Variants in CLEC16A observed in about 807,000 individuals in gnomAD.
The protein encoded by CLEC16A is protein CLEC16A.
In CLEC16A, 51 loss-of-function variants were observed where a neutral mutation model predicts 109.5. The ratio of observed to expected loss-of-function variants is 0.47; its 90% CI spans 0.37 to 0.59. The LOEUF (loss-of-function observed/expected upper bound fraction) is 0.59, where lower values mean the gene tolerates loss of function less well. Among genes scored for constraint, CLEC16A ranks in the 20% least tolerant of loss-of-function variants. The pLI, the probability that CLEC16A is intolerant of heterozygous loss-of-function variation, is 0.00. For missense variants in CLEC16A, 1,339 were observed against 1,394.0 expected (o/e 0.96, Z 0.63); for synonymous variants, 673 against 564.2 (o/e 1.19, Z -2.73).
At chr16:10,980,386 C>CT (rs1023073632) in intron 9 of CLEC16A, among the ~76,000 whole-genome samples, 1 of 151,980 alleles carries the variant, frequency 6.6e-6, no homozygotes, top group African/African-American at 2.4e-5. Context: ...CTCCTGGCAG[C>CT]TTTTTTCTGC....
intron 14 of CLEC16A, 135 bp downstream of exon 14, chr16:11,040,011 C>G (rs1256084996): frequency 2.1e-5 from 23 of 1,115,532 alleles, no homozygotes; most frequent in Non-Finnish European, 2.8e-5. Flanking sequence ...CCCTCTGCCT[C>G]TCAACCCCTG....
intron 19 of CLEC16A, among the ~76,000 whole-genome samples, chr16:11,090,977 A>AT (rs2050272753): frequency 6.6e-6 from 1 of 151,764 alleles, no homozygotes; most frequent in Non-Finnish European, 1.5e-5. Context: ...GCCTATTTTA[A>AT]TTTTTTGAGA....
chr16:11,133,016 A>C (rs1388247933), intron 22 of CLEC16A, among the ~76,000 whole-genome samples: 1 of 152,054 alleles, frequency 6.6e-6, no homozygotes, highest in South Asian at 2.1e-4. Context: ...GTTGGACTTC[A>C]TCCCTTAAGG....
chr16:10,966,155 A>G (rs2042492512), intron 3 of CLEC16A, among the ~76,000 whole-genome samples: 1 of 152,236 alleles, frequency 6.6e-6, no homozygotes, highest in Non-Finnish European at 1.5e-5. Flanking sequence ...CAGGTGGATA[A>G]ATAAACTGTG....
At chr16:11,021,612 C>T (rs1484060647) in intron 12 of CLEC16A, among the ~76,000 whole-genome samples, 1 of 152,136 alleles carries the variant, frequency 6.6e-6, no homozygotes, top group Non-Finnish European at 1.5e-5. Context: ...GGCCTAGTCA[C>T]ATAGTGAGAC....
rs915695793 is a variant in CLEC16A at position 11,077,964 on chromosome 16, C to T, written c.2116+16942C>T. On this transcript the variant is annotated intron_variant, in intron 19 of 23. Coordinates refer to ENST00000409790, the MANE Select transcript of CLEC16A (RefSeq NM_015226.3). Reference sequence around the variant, plus strand: ...GAAACTCCATCTCTACAAAAAAAAACGTGTGTGTGTGTGTGTGTGTGTGTG... The same window carrying T: ...GAAACTCCATCTCTACAAAAAAAAATGTGTGTGTGTGTGTGTGTGTGTGTG... Among the ~76,000 whole-genome samples the T allele has an allele frequency of 8.3e-4, 113 of 135,622 alleles. 1 individual carries two copies. Among genetic ancestry groups the T allele is most frequent in the African/African-American group, 3.0e-3 (108 of 36,468 alleles). The allele number at this position is 135,622 out of a possible 152,430, so 89.0% of individuals were successfully genotyped here. A position where few individuals can be genotyped will look rare whatever the true frequency, so the allele number is the denominator to read the frequency against.
chr16:11,064,987 C>T (rs1001123596), intron 19 of CLEC16A, among the ~76,000 whole-genome samples: 1 of 152,198 alleles, frequency 6.6e-6, no homozygotes, highest in Non-Finnish European at 1.5e-5. Context: ...GCTTAAGCAA[C>T]ACTCTGAGAA....
At chr16:11,060,158 AGGAATCCCTGTGCTGGT>A (rs2152902546) in intron 18 of CLEC16A, among the ~76,000 whole-genome samples, 1 of 152,344 alleles carries the variant, frequency 6.6e-6, no homozygotes, top group African/African-American at 2.4e-5. Context: ...TCTATGGGCC[AGGAATCCCTGTGCTGGT>A]GGATCCACCT....
Position 11,113,269 on chromosome 16 carries a change from A to G in CLEC16A, c.2117-7346A>G, listed in dbSNP as rs556578791. Among the ~76,000 whole-genome samples, 4 of 152,324 alleles carry G rather than the reference A, an allele frequency of 2.6e-5. No homozygotes were observed. In the South Asian group the frequency reaches 8.3e-4, roughly 32 times the overall value. ...TCCCCAACCCTGGCTGGGCCTCATA[A>G]AGACCTGAGTCCCTTTGTGTAAAGC... On this transcript the variant is annotated intron_variant, in intron 19 of 23. Coordinates refer to ENST00000409790, the MANE Select transcript of CLEC16A (RefSeq NM_015226.3).
At chr16:10,957,411 T>C (rs535287095) in intron 1 of CLEC16A, among the ~76,000 whole-genome samples, 1 of 152,348 alleles carries the variant, frequency 6.6e-6, no homozygotes, top group East Asian at 1.9e-4. Context: ...GGGAAGCATA[T>C]GAAACAGGTG....
At chr16:11,092,812 G>A (rs985424682) in intron 19 of CLEC16A, among the ~76,000 whole-genome samples, 1 of 152,164 alleles carries the variant, frequency 6.6e-6, no homozygotes, top group African/African-American at 2.4e-5. Flanking sequence ...GTGGGCCTCG[G>A]TTTCCTCTTC....
intron 22 of CLEC16A, among the ~76,000 whole-genome samples, chr16:11,151,426 C>T (rs555146891): frequency 2.7e-4 from 41 of 152,360 alleles, no homozygotes; most frequent in Non-Finnish European, 4.9e-4. Flanking sequence ...CTGCCCAGTG[C>T]TCCAGGCTGA....
At chr16:11,029,169 A>C (rs551243781) in intron 13 of CLEC16A, among the ~76,000 whole-genome samples, 21 of 152,274 alleles carry the variant, frequency 1.4e-4, no homozygotes, top group African/African-American at 5.1e-4. Flanking sequence ...TGGTCCAGAC[A>C]GCCTTCAGTT....
intron 18 of CLEC16A, among the ~76,000 whole-genome samples, chr16:11,059,698 T>G (rs1423277406): frequency 6.6e-6 from 1 of 152,196 alleles, no homozygotes; most frequent in East Asian, 1.9e-4. Flanking sequence ...GATTCGCCTT[T>G]GCAGCTCCCT....
intron 23 of CLEC16A, among the ~76,000 whole-genome samples, chr16:11,171,887 C>T (rs1279569269): frequency 6.6e-6 from 1 of 152,160 alleles, no homozygotes; most frequent in African/African-American, 2.4e-5. Context: ...CACACTCACA[C>T]ATACAAATGT....
At chr16:11,005,961 A>G (rs1398601030) in intron 11 of CLEC16A, among the ~76,000 whole-genome samples, 3 of 142,532 alleles carry the variant, frequency 2.1e-5, no homozygotes, top group Admixed American at 7.0e-5. Flanking sequence ...AATTCACATG[A>G]TGACTTTTTT....
chr16:10,977,177 G>A lies in CLEC16A; in HGVS notation c.729-48G>A, dbSNP rs755395822. Reference sequence around the variant, plus strand: ...TCAGGCCATTGATGTTAGGCTCAAAGGCTCCTAGTGTTGGCCTCCAGGCTG... The same window carrying A: ...TCAGGCCATTGATGTTAGGCTCAAAAGCTCCTAGTGTTGGCCTCCAGGCTG... On this transcript the variant is annotated intron_variant, in intron 7 of 23. Transcript: ENST00000409790. 1.1e-5 allele frequency: 18 copies of A among 1,574,746 alleles called. No individual in the cohort carries two copies. In the Admixed American group the frequency reaches 2.6e-4, roughly 22 times the overall value.
chr16:11,031,046 T>A (rs2046713270), intron 13 of CLEC16A, among the ~76,000 whole-genome samples: 1 of 152,240 alleles, frequency 6.6e-6, no homozygotes, highest in South Asian at 2.1e-4. Context: ...GAGGTTCCTG[T>A]GGCACTTTTT....
rs376076841 is a variant in CLEC16A at position 11,097,287 on chromosome 16, A to G, written c.2117-23328A>G. 8.5e-5 allele frequency among the ~76,000 whole-genome samples: 13 copies of G among 152,322 alleles called. No individual in the cohort carries two copies. The South Asian group carries it at 2.5e-3, about 29-fold the overall frequency. On this transcript the variant is annotated intron_variant, in intron 19 of 23. Coordinates refer to ENST00000409790, the MANE Select transcript of CLEC16A (RefSeq NM_015226.3). Reference sequence around the variant, plus strand: ...GGGGCTGTTTTCCTGATGAAAATTCACAACTGTGAGTAAATGCCTCACATC... The same window carrying G: ...GGGGCTGTTTTCCTGATGAAAATTCGCAACTGTGAGTAAATGCCTCACATC...
Sources: allele counts gnomAD v4.1 joint callset (sites outside exome capture counted in the v4.1 genomes callset), GRCh38; gene constraint gnomAD v4.1.1; transcripts MANE v1.5; gene names NCBI Gene and HGNC (gene_info 2026-07-23, HGNC 2026-07-21).